Variants in MELK observed in about 807,000 individuals in gnomAD.
The protein encoded by MELK is pEg3 kinase.
In MELK, 81 loss-of-function variants were observed where a neutral mutation model predicts 85.0. The observed-to-expected ratio is 0.95, with a 90% CI of 0.80 to 1.15. The LOEUF (loss-of-function observed/expected upper bound fraction) is 1.15. Ranked by LOEUF, MELK falls within the 50% of genes most tolerant of loss-of-function variation. The pLI is 0.00. For missense variants in MELK, 754 were observed against 777.5 expected (o/e 0.97, Z 0.36); for synonymous variants, 252 against 265.0 (o/e 0.95, Z 0.48).
chr9:36,614,370 C>T (rs2136007407), intron 8 of MELK, among the ~76,000 whole-genome samples: 1 of 150,556 alleles, frequency 6.6e-6, no homozygotes. Flanking sequence ...GCTGGGATTA[C>T]AGGTGTGAGC....
intron 8 of MELK, among the ~76,000 whole-genome samples, chr9:36,613,882 A>G (rs1467358925): frequency 6.6e-6 from 1 of 152,066 alleles, no homozygotes; most frequent in Non-Finnish European, 1.5e-5. Flanking sequence ...AGGCTCTCAT[A>G]AGGACTTTGG....
At chr9:36,675,595 G>C (rs1053958048) in intron 17 of MELK, among the ~76,000 whole-genome samples, 1 of 152,098 alleles carries the variant, frequency 6.6e-6, no homozygotes, top group African/African-American at 2.4e-5. Context: ...GATTTATACA[G>C]AATCCTTCTC....
intron 8 of MELK, among the ~76,000 whole-genome samples, chr9:36,620,890 C>A (rs1261093524): frequency 6.6e-6 from 1 of 151,872 alleles, no homozygotes; most frequent in Non-Finnish European, 1.5e-5. Flanking sequence ...ATTCTGCACT[C>A]ATGTAGTAAC....
chr9:36,658,692 T>TTTTG lies in MELK; in HGVS notation c.1176+1345_1176+1348dup, dbSNP rs1236201174. 2.7e-5 allele frequency among the ~76,000 whole-genome samples: 4 copies of TTTTG among 145,674 alleles called. No homozygotes were observed. The East Asian group carries it at 6.1e-4, about 22-fold the overall frequency. On this transcript the variant is annotated intron_variant, in intron 13 of 17. Transcript: ENST00000298048. ...TTTTCTCGTGTATATGGGCCATCCT[T>TTTTG]TTTGTTTGTTTGTTTGTTTTTTGTT...
chr9:36,632,358 T>C lies in MELK; in HGVS notation c.736-744T>C, dbSNP rs111674225. Among the ~76,000 whole-genome samples the C allele has an allele frequency of 5.8e-3, 883 of 152,328 alleles. 6 individuals carry two copies. Among genetic ancestry groups the C allele is most frequent in the Non-Finnish European group, 9.5e-3 (648 of 68,030 alleles). ...ATCTATAAAATGGGGGTTCTGAGCC[T>C]GGCCTCACTGCTATGTAGTGTTATA... On this transcript the variant is annotated intron_variant, in intron 9 of 17. Coordinates refer to ENST00000298048, the MANE Select transcript of MELK (RefSeq NM_014791.4).
chr9:36,629,123 C>T (rs112576330), intron 8 of MELK, among the ~76,000 whole-genome samples: 6 of 152,236 alleles, frequency 3.9e-5, no homozygotes, highest in African/African-American at 1.4e-4. Flanking sequence ...CCTTGGCCTC[C>T]CAAAGTGCTG....
intron 1 of MELK, among the ~76,000 whole-genome samples, chr9:36,573,733 G>T (rs1351910194): frequency 6.6e-6 from 1 of 151,944 alleles, no homozygotes; most frequent in Admixed American, 6.6e-5. Flanking sequence ...TCTCCAGCTC[G>T]TGTCCTCAGG....
At chr9:36,664,211 T>C (rs1832121492) in intron 13 of MELK, among the ~76,000 whole-genome samples, 1 of 152,262 alleles carries the variant, frequency 6.6e-6, no homozygotes, top group Non-Finnish European at 1.5e-5. Context: ...TTTTGTTCTT[T>C]ACTCATGTTT....
intron 7 of MELK, chr9:36,606,667 A>C (rs1414137181): frequency 6.8e-6 from 1 of 146,640 alleles, no homozygotes; most frequent in Non-Finnish European, 1.5e-5. Flanking sequence ...GTATATGTAT[A>C]TATGGACATA....
At chr9:36,588,207 C>G (rs145828441) in intron 3 of MELK, among the ~76,000 whole-genome samples, 8,878 of 139,634 alleles carry the variant, frequency 0.064, 366 homozygotes, top group African/African-American at 0.078. Context: ...CAGACATGCG[C>G]CACCATGCCC....
rs1486506921 is a variant in MELK at position 36,606,442 on chromosome 9, ATAATATATACATATGTATAGGTGTG to A, written c.568-1130_568-1106del. On this transcript the variant is annotated intron_variant, in intron 7 of 17. Transcript: ENST00000298048. ...TATATACATATGTATAGGTGTGTAT[ATAATATATACATATGTATAGGTGTG>A]TATATATATACATATGTATAGGTGT... 7.9e-5 allele frequency among the ~76,000 whole-genome samples: 10 copies of A among 126,864 alleles called. 1 individual carries two copies. Among genetic ancestry groups the A allele is most frequent in the African/African-American group, 3.4e-4 (9 of 26,648 alleles). The allele number at this position is 126,864 out of a possible 152,430, so 83.2% of individuals were successfully genotyped here.
At chr9:36,606,922 CTG>C (rs1415876313) in intron 7 of MELK, 1 of 151,982 alleles carries the variant, frequency 6.6e-6, no homozygotes, top group Non-Finnish European at 1.5e-5. Context: ...GTAGCTGGGA[CTG>C]TGGGCATGCG....
intron 2 of MELK, 55 bp downstream of exon 2, chr9:36,581,794 G>A: frequency 7.1e-7 from 1 of 1,414,220 alleles, no homozygotes; most frequent in Non-Finnish European, 9.9e-7. Flanking sequence ...TGAGAGTATA[G>A]ATTATTTGGG....
intron 12 of MELK, among the ~76,000 whole-genome samples, chr9:36,654,575 C>T (rs1831045589): frequency 6.6e-6 from 1 of 151,726 alleles, no homozygotes; most frequent in African/African-American, 2.4e-5. Context: ...AGGCTGGTCT[C>T]GAACTCCAGA....
chr9:36,581,813 A>G, intron 2 of MELK, 74 bp downstream of exon 2: 2 of 1,245,258 alleles, frequency 1.6e-6, no homozygotes, highest in Non-Finnish European at 1.1e-6. Flanking sequence ...GGTAGGTGTG[A>G]GCTTTTTCGT....
intron 8 of MELK, 53 bp downstream of exon 8, chr9:36,607,726 G>A (rs775990483): frequency 1.7e-6 from 2 of 1,176,578 alleles, no homozygotes; most frequent in African/African-American, 3.1e-5. Flanking sequence ...ATACCGAATA[G>A]TATATGCTTT....
chr9:36,595,371 T>C (rs940746569), intron 5 of MELK, among the ~76,000 whole-genome samples: 9 of 151,970 alleles, frequency 5.9e-5, no homozygotes, highest in African/African-American at 2.2e-4. Context: ...CTCCTGACCT[T>C]GTGATCTGCC....
intron 13 of MELK, among the ~76,000 whole-genome samples, chr9:36,665,006 C>CT (rs912708775): frequency 7.3e-5 from 11 of 151,390 alleles, no homozygotes; most frequent in African/African-American, 2.7e-4. Flanking sequence ...GCTGACTAAA[C>CT]TTTTTTTTTG....
At chr9:36,592,046 C>T (rs1315216151) in intron 4 of MELK, among the ~76,000 whole-genome samples, 1 of 152,044 alleles carries the variant, frequency 6.6e-6, no homozygotes, top group Admixed American at 6.5e-5. Context: ...AAATGGGGGT[C>T]TTGGCCTGTT....
Sources: gnomAD v4.1 joint callset for allele counts (sites outside exome capture counted in the v4.1 genomes callset) on GRCh38, gnomAD v4.1.1 for gene constraint, MANE v1.5 for transcripts, NCBI Gene and HGNC (gene_info 2026-07-23, HGNC 2026-07-21) for gene names.